Variants in PVT1 observed in about 807,000 individuals in gnomAD.
The protein encoded by PVT1 is Pvt1 oncogene, also known as CXCR4/PVT1 fusion.
intron 2 of PVT1, among the ~76,000 whole-genome samples, chr8:127,812,628 G>T (rs1443146824): frequency 6.8e-6 from 1 of 147,606 alleles, no homozygotes; most frequent in South Asian, 2.2e-4. Flanking sequence ...AAGGGAGAGA[G>T]GAAGGAAGGA....
intron 3 of PVT1, among the ~76,000 whole-genome samples, chr8:127,987,842 C>T (rs549417382): frequency 1.3e-5 from 2 of 152,224 alleles, no homozygotes; most frequent in Non-Finnish European, 1.5e-5. Flanking sequence ...ATGCCTGAGG[C>T]GTGTGGGAGG....
At chr8:128,066,500 A>G (rs1490469840) in intron 4 of PVT1, among the ~76,000 whole-genome samples, 1 of 152,280 alleles carries the variant, frequency 6.6e-6, no homozygotes, top group Non-Finnish European at 1.5e-5. Context: ...ATGTTAGTGC[A>G]GCATAACAGC....
chr8:128,099,870 T>C (rs1191484028), intron 6 of PVT1: 1 of 148,482 alleles, frequency 6.7e-6, no homozygotes, highest in African/African-American at 2.5e-5. Context: ...TGCTAATGAA[T>C]TTTTTTTTTT....
chr8:127,865,056 C>A (rs1286082302), intron 2 of PVT1, among the ~76,000 whole-genome samples: 1 of 152,210 alleles, frequency 6.6e-6, no homozygotes, highest in African/African-American at 2.4e-5. Flanking sequence ...CACCAGTGTT[C>A]CAATCCCACA....
At chr8:127,966,054 G>C (rs1816699904) in intron 3 of PVT1, among the ~76,000 whole-genome samples, 1 of 152,170 alleles carries the variant, frequency 6.6e-6, no homozygotes, top group Non-Finnish European at 1.5e-5. Flanking sequence ...GGGGTAGCTT[G>C]CTTGGTTTGC....
At chr8:128,000,793 G>C (rs1047315840) in intron 4 of PVT1, among the ~76,000 whole-genome samples, 1 of 152,188 alleles carries the variant, frequency 6.6e-6, no homozygotes, top group African/African-American at 2.4e-5. Flanking sequence ...GCTACTATCA[G>C]AGATGACAGC....
chr8:127,966,827 T>C (rs1816707760), intron 3 of PVT1, among the ~76,000 whole-genome samples: 1 of 152,212 alleles, frequency 6.6e-6, no homozygotes, highest in Non-Finnish European at 1.5e-5. Context: ...GTTGGGATTC[T>C]CCTTTCATCT....
chr8:127,972,200 C>T (rs1392665954), intron 3 of PVT1, among the ~76,000 whole-genome samples: 5 of 152,250 alleles, frequency 3.3e-5, no homozygotes. Flanking sequence ...GTGTTCACCC[C>T]AAGACTGTCA....
chr8:128,098,539 T>C (rs1026986125), intron 6 of PVT1, among the ~76,000 whole-genome samples: 1 of 152,170 alleles, frequency 6.6e-6, no homozygotes, highest in East Asian at 1.9e-4. Flanking sequence ...AGAGTGGAGG[T>C]AGAGAGGCCA....
intron 2 of PVT1, among the ~76,000 whole-genome samples, chr8:127,806,221 G>A (rs978817356): frequency 3.3e-5 from 5 of 152,156 alleles, no homozygotes; most frequent in African/African-American, 1.2e-4. Flanking sequence ...CCAGCACTTT[G>A]GAAGGCTGAG....
At chr8:127,974,208 T>G (rs551012651) in intron 3 of PVT1, among the ~76,000 whole-genome samples, 2 of 152,272 alleles carry the variant, frequency 1.3e-5, no homozygotes, top group Admixed American at 6.5e-5. Context: ...AGAGCTGACG[T>G]TGCTAATATA....
intron 2 of PVT1, chr8:127,890,529 G>A (rs749882552): frequency 2.4e-4 from 36 of 152,254 alleles, no homozygotes; most frequent in Non-Finnish European, 4.8e-4. Context: ...AAGAGTGACT[G>A]AATACTGCTC....
intron 2 of PVT1, among the ~76,000 whole-genome samples, chr8:127,797,916 A>T (rs1324460209): frequency 6.6e-6 from 1 of 152,192 alleles, no homozygotes; most frequent in East Asian, 1.9e-4. Flanking sequence ...CTCCCAGGTC[A>T]CACAGCTTGG....
intron 4 of PVT1, among the ~76,000 whole-genome samples, chr8:128,045,987 G>T (rs1038428483): frequency 6.6e-6 from 1 of 152,224 alleles, no homozygotes; most frequent in African/African-American, 2.4e-5. Context: ...CTATTATGCA[G>T]TGGAGTTTGA....
At chr8:127,880,243 G>C (rs1042455443) in intron 2 of PVT1, among the ~76,000 whole-genome samples, 1 of 152,174 alleles carries the variant, frequency 6.6e-6, no homozygotes, top group East Asian at 1.9e-4. Flanking sequence ...GAGCTAGCAC[G>C]TGAACACTGT....
chr8:127,821,481 T>A (rs766826851), intron 2 of PVT1, among the ~76,000 whole-genome samples: 1 of 152,212 alleles, frequency 6.6e-6, no homozygotes, highest in Non-Finnish European at 1.5e-5. Flanking sequence ...TCACCTTTGG[T>A]TTCTGCTTAG....
At position 128,080,410 on chromosome 8, in the gene PVT1, T is replaced by C. The variant is rs541536148; in HGVS notation, n.1114+10049T>C. ...CTACCAGAATTTGGTATTCATGTTT[T>C]GGATTTCAGCATTCTAATAGGTGTG... On this transcript the variant is annotated intron_variant and non_coding_transcript_variant, in intron 5 of 10. Transcript: ENST00000651587. 1.1e-4 allele frequency among the ~76,000 whole-genome samples: 16 copies of C among 152,344 alleles called. No homozygotes were observed. In the South Asian group the frequency reaches 3.3e-3, roughly 32 times the overall value.
At chr8:127,916,911 C>T (rs1018578747) in intron 3 of PVT1, among the ~76,000 whole-genome samples, 14 of 152,272 alleles carry the variant, frequency 9.2e-5, no homozygotes, top group African/African-American at 2.6e-4. Flanking sequence ...AGTATCGTTT[C>T]GGTTCTGATA....
chr8:127,982,305 AC>A (rs1816890770), intron 3 of PVT1, among the ~76,000 whole-genome samples: 1 of 152,154 alleles, frequency 6.6e-6, no homozygotes, highest in South Asian at 2.1e-4. Flanking sequence ...TCAAATCTAA[AC>A]ACTCTCCAGT....
Sources: gnomAD v4.1 joint callset for allele counts (sites outside exome capture counted in the v4.1 genomes callset) on GRCh38, gnomAD v4.1.1 for gene constraint, MANE v1.5 for transcripts, NCBI Gene and HGNC (gene_info 2026-07-23, HGNC 2026-07-21) for gene names.